Variants in CARF observed in about 807,000 individuals in gnomAD.
CARF encodes the protein calcium responsive transcription factor.
In CARF, 57 loss-of-function variants were observed where a neutral mutation model predicts 82.0. The observed-to-expected ratio is 0.70, with a 90% CI of 0.56 to 0.87. CARF has a LOEUF of 0.87. Ranked by LOEUF, CARF falls within the 40% of genes least tolerant of loss-of-function variation. The pLI, the probability that CARF is intolerant of heterozygous loss-of-function variation, is 0.00. For missense variants in CARF, 771 were observed against 855.8 expected, an observed-to-expected ratio of 0.90 and a Z score of 1.24; for synonymous variants, 268 against 290.1, an observed-to-expected ratio of 0.92 and a Z score of 0.77.
In CARF at chr2:202,959,533, C is replaced by T. The variant is rs148316926; in HGVS notation, c.643-1704C>T. ...TGTTGGTATTGAAAAAAAAGTTTCT[C>T]CCCAGCTGGGTGCAGTGGCTCATGC... On this transcript the variant is annotated intron_variant, in intron 8 of 16. Transcript: ENST00000438828. Among the ~76,000 whole-genome samples, 437 of 152,278 alleles carry T rather than the reference C, an allele frequency of 2.9e-3. 1 individual carries two copies. Among genetic ancestry groups the T allele is most frequent in the Non-Finnish European group, 4.6e-3 (311 of 68,020 alleles).
At chr2:202,928,653 C>A (rs13411258) in intron 3 of CARF, among the ~76,000 whole-genome samples, 46,014 of 152,022 alleles carry the variant, frequency 0.3, 7,630 homozygotes, top group East Asian at 0.61. Context: ...TTGATAATAG[C>A]CATTCTAACC....
chr2:202,969,499 T>A (rs529188557), intron 10 of CARF, among the ~76,000 whole-genome samples: 1 of 152,028 alleles, frequency 6.6e-6, no homozygotes, highest in East Asian at 1.9e-4. Flanking sequence ...CACTGGAATC[T>A]GGGAGGTGGA....
At chr2:202,934,367 A>C (rs552609027) in intron 3 of CARF, 3 of 152,322 alleles carry the variant, frequency 2.0e-5, no homozygotes, top group East Asian at 3.9e-4. Flanking sequence ...CTTGGCTGAG[A>C]TAATTATCAT....
At chr2:202,967,212 T>G in intron 10 of CARF, 114 bp downstream of exon 10, 2 of 1,179,254 alleles carry the variant, frequency 1.7e-6, no homozygotes, top group Middle Eastern at 2.8e-4. Flanking sequence ...GAATTCTAAG[T>G]TTTCTCTTAC....
chr2:202,951,110 G>C (rs184037839), intron 5 of CARF, among the ~76,000 whole-genome samples: 66 of 152,018 alleles, frequency 4.3e-4, no homozygotes, highest in African/African-American at 1.3e-3. Context: ...ACAGCAGCAT[G>C]ATCACGGCTC....
chr2:202,970,077 T>C lies in CARF; in HGVS notation c.1097+15T>C. The C allele has an allele frequency of 1.3e-6, 2 of 1,543,880 alleles. No individual in the cohort carries two copies. ...GGTGTTCTTAGGTATGACATTTTTA[T>C]AGTTCTTTTATTTTACAAATTAATT... On this transcript the variant is annotated intron_variant, in intron 11 of 16. Transcript: ENST00000438828.
chr2:202,941,965 T>G lies in CARF; in HGVS notation c.63T>G (p.Ser21Arg). 6.2e-7 allele frequency: 1 copy of G among 1,613,452 alleles called. No individual in the cohort carries two copies. Among genetic ancestry groups the G allele is most frequent in the Non-Finnish European group, 8.5e-7 (1 of 1,179,552 alleles). Residue 21 changes from serine to arginine, a missense_variant, in exon 4 of 17, where the codon AGT becomes AGG. Coordinates refer to ENST00000438828, the MANE Select transcript of CARF (RefSeq NM_024744.17). ...ATGACGGTGAAGAGTCAAAAACCAG[T>G]GCTCAAGTATTTGAGGTATGGATTC... ...NHNDGEESKT[S>R]AQVFEHLICM...
chr2:202,987,740 G>A lies in CARF; in HGVS notation c.*4116G>A, dbSNP rs1170778650. Among the ~76,000 whole-genome samples the A allele has an allele frequency of 6.6e-6, 1 of 152,140 alleles. No individual in the cohort carries two copies. The highest frequency in any genetic ancestry group is 1.5e-5 in the Non-Finnish European group (1 of 68,020). On this transcript the variant is annotated 3_prime_UTR_variant, in exon 17 of 17. Transcript: ENST00000438828. ...GAAAACCTTTGGTAATGTGATTTGG[G>A]TATAAGAATACTAAAACCAGAGTAC...
In CARF at chr2:202,985,780, T is replaced by C. The variant is rs1305249098; in HGVS notation, c.*2156T>C. Reference sequence around the variant, plus strand: ...GGTAATAGTGGTAATGGTTTATTATTAGCTGTTTCACCAATTGAACTACAT... The same window carrying C: ...GGTAATAGTGGTAATGGTTTATTATCAGCTGTTTCACCAATTGAACTACAT... On this transcript the variant is annotated 3_prime_UTR_variant, in exon 17 of 17. Coordinates refer to ENST00000438828, the MANE Select transcript of CARF (RefSeq NM_024744.17). The C allele has an allele frequency of 1.3e-5, 2 of 152,160 alleles. No homozygotes were observed. Among genetic ancestry groups the C allele is most frequent in the African/African-American group, 4.8e-5 (2 of 41,470 alleles). The allele number at this position is 152,160 out of a possible 1,614,324, so 9.4% of individuals were successfully genotyped here. A position where few individuals can be genotyped will look rare whatever the true frequency, so the allele number is the denominator to read the frequency against.
At chr2:202,944,042 A>G (rs1016172248) in intron 5 of CARF, among the ~76,000 whole-genome samples, 1 of 152,196 alleles carries the variant, frequency 6.6e-6, no homozygotes, top group Non-Finnish European at 1.5e-5. Context: ...AGGTACTGCA[A>G]TGGAGGTACT....
At chr2:202,969,064 C>T (rs939390588) in intron 10 of CARF, among the ~76,000 whole-genome samples, 30 of 151,938 alleles carry the variant, frequency 2.0e-4, no homozygotes, top group African/African-American at 5.6e-4. Context: ...CTGTGGTGGG[C>T]GGATCACTTG....
intron 2 of CARF, among the ~76,000 whole-genome samples, chr2:202,918,962 A>G (rs1359936752): frequency 6.6e-6 from 1 of 152,180 alleles, no homozygotes; most frequent in Non-Finnish European, 1.5e-5. Context: ...CAAAATCTCA[A>G]TATGGGCAAA....
chr2:202,970,260 A>G (rs565550836), intron 11 of CARF, among the ~76,000 whole-genome samples, 198 bp downstream of exon 11: 3 of 152,304 alleles, frequency 2.0e-5, no homozygotes, highest in African/African-American at 4.8e-5. Context: ...CAAGTTGTAG[A>G]TAATTCAGAC....
In CARF at chr2:202,986,895, T is replaced by TATATACATATATATATATATAC. The variant is rs1192034453; in HGVS notation, c.*3276_*3277insCATATATATATATATACATATA. The TATATACATATATATATATATAC allele has an allele frequency of 3.7e-5, 4 of 107,536 alleles. No homozygotes were observed. Among genetic ancestry groups the TATATACATATATATATATATAC allele is most frequent in the Non-Finnish European group, 6.7e-5 (3 of 44,530 alleles). 6.7% of individuals were successfully genotyped at this position (107,536 alleles called of 1,614,324 possible). ...ATATATATATATATATATATATATA[T>TATATACATATATATATATATAC]ATATATATATATAGCAACTTGATGT... On this transcript the variant is annotated 3_prime_UTR_variant, in exon 17 of 17. Transcript: ENST00000438828.
intron 3 of CARF, among the ~76,000 whole-genome samples, chr2:202,940,180 T>A (rs554652413): frequency 5.1e-4 from 77 of 152,182 alleles, no homozygotes; most frequent in African/African-American, 1.8e-3. Flanking sequence ...ATTACAGGCA[T>A]GCATCACTGT....
At position 202,943,619 on chromosome 2, in the gene CARF, CACACACACACAT is replaced by C. The variant is rs1245259231; in HGVS notation, c.306+654_306+665del. On this transcript the variant is annotated intron_variant, in intron 5 of 16. Transcript: ENST00000438828. ...ACACACACACACACACACACACACACACACACACACATATTAGGCTAACTCCAGTTTTGTTTT... is the reference window on the plus strand; with the variant it reads ...ACACACACACACACACACACACACACATTAGGCTAACTCCAGTTTTGTTTT... 1.4e-3 allele frequency among the ~76,000 whole-genome samples: 177 copies of C among 124,160 alleles called. 2 individuals are homozygous for C. Among genetic ancestry groups the C allele is most frequent in the Admixed American group, 2.6e-3 (31 of 12,014 alleles). 81.5% of individuals were successfully genotyped at this position (124,160 alleles called of 152,430 possible).
intron 5 of CARF, among the ~76,000 whole-genome samples, chr2:202,946,311 A>G (rs1456483766): frequency 2.0e-5 from 3 of 152,216 alleles, no homozygotes; most frequent in Non-Finnish European, 1.5e-5. Context: ...ATACAGACCA[A>G]TGGAACAGAA....
At chr2:202,939,685 C>T (rs183939307) in intron 3 of CARF, among the ~76,000 whole-genome samples, 1,677 of 104,476 alleles carry the variant, frequency 0.016, 23 homozygotes, top group Middle Eastern at 0.034. Context: ...GCCTTTTTTT[C>T]TTTTTTTTTT....
At chr2:202,917,819 A>G (rs1374211033) in intron 1 of CARF, 58 bp from the exon 2 acceptor site, 1 of 213,462 alleles carries the variant, frequency 4.7e-6, no homozygotes, top group East Asian at 1.4e-4. Context: ...AACAAAAAGT[A>G]ATAATTATCT....
Sources: allele counts gnomAD v4.1 joint callset (sites outside exome capture counted in the v4.1 genomes callset), GRCh38; gene constraint gnomAD v4.1.1; transcripts MANE v1.5; gene names NCBI Gene and HGNC (gene_info 2026-07-23, HGNC 2026-07-21).